Variants in CAMK1D observed in about 807,000 individuals in gnomAD.
CAMK1D encodes the protein calcium/calmodulin dependent protein kinase ID, also known as calcium/calmodulin-dependent protein kinase type 1D.
In CAMK1D, 9 loss-of-function variants were observed where a neutral mutation model predicts 47.7. The observed-to-expected ratio is 0.19, with a 90% CI of 0.11 to 0.33. The LOEUF is 0.33. Ranked by LOEUF, CAMK1D falls within the 10% of genes least tolerant of loss-of-function variation. The probability of loss-of-function intolerance (pLI) is 1.00; values close to 1 mark genes in which losing one functional copy is unlikely to be tolerated. For missense variants in CAMK1D, 291 were observed against 488.7 expected, an observed-to-expected ratio of 0.60 and a Z score of 3.81; for synonymous variants, 184 against 184.9, an observed-to-expected ratio of 0.99 and a Z score of 0.04.
At chr10:12,610,985 A>G (rs1838601493) in intron 2 of CAMK1D, among the ~76,000 whole-genome samples, 1 of 152,202 alleles carries the variant, frequency 6.6e-6, no homozygotes. Context: ...AGTATATACT[A>G]GGCACTCTTA....
chr10:12,810,799 G>A (rs767953725), intron 6 of CAMK1D, among the ~76,000 whole-genome samples: 10 of 152,208 alleles, frequency 6.6e-5, no homozygotes, highest in African/African-American at 1.2e-4. Flanking sequence ...CTAAAAATCC[G>A]ACAGAATAGG....
chr10:12,782,993 TTTG>T (rs754502879), intron 5 of CAMK1D, among the ~76,000 whole-genome samples: 69 of 91,400 alleles, frequency 7.5e-4, no homozygotes, highest in Admixed American at 4.3e-3. Context: ...TTTTTTTTTT[TTTG>T]TTTTTTTTTT....
chr10:12,462,167 T>G (rs998051557), intron 1 of CAMK1D, among the ~76,000 whole-genome samples: 85 of 144,296 alleles, frequency 5.9e-4, no homozygotes, highest in African/African-American at 1.9e-3. Context: ...TTTTTTTTTT[T>G]TTTTTTTTTT....
chr10:12,541,878 CCTTCCTT>C (rs1243915800), intron 1 of CAMK1D, among the ~76,000 whole-genome samples: 1 of 145,602 alleles, frequency 6.9e-6, no homozygotes, highest in East Asian at 2.0e-4. Flanking sequence ...TTCCTTCCTT[CCTTCCTT>C]CCTTTTTTTT....
At chr10:12,492,878 A>G (rs1834428058) in intron 1 of CAMK1D, among the ~76,000 whole-genome samples, 1 of 152,026 alleles carries the variant, frequency 6.6e-6, no homozygotes, top group Non-Finnish European at 1.5e-5. Flanking sequence ...GTCTGTCGTT[A>G]CTTTCTTGGT....
At chr10:12,597,085 T>C (rs532780673) in intron 2 of CAMK1D, among the ~76,000 whole-genome samples, 1 of 152,228 alleles carries the variant, frequency 6.6e-6, no homozygotes, top group South Asian at 2.1e-4. Flanking sequence ...AAATAAAAAA[T>C]ACACAGCTCC....
chr10:12,486,384 T>G (rs1244104186), intron 1 of CAMK1D, among the ~76,000 whole-genome samples: 2 of 152,208 alleles, frequency 1.3e-5, no homozygotes, highest in Non-Finnish European at 2.9e-5. Context: ...GGTCTTGATC[T>G]CCTGACCTCG....
chr10:12,534,361 C>T (rs1161917283), intron 1 of CAMK1D, among the ~76,000 whole-genome samples: 4 of 152,072 alleles, frequency 2.6e-5, no homozygotes, highest in Non-Finnish European at 5.9e-5. Context: ...AGGCACCCAC[C>T]ACCAGACCCA....
rs1245098644 is a variant in CAMK1D, at chr10:12,373,038, G to A, written c.92+23128G>A. Among the ~76,000 whole-genome samples, 4 of 152,328 alleles carry A rather than the reference G, an allele frequency of 2.6e-5. No individual in the cohort carries two copies. The East Asian group carries it at 7.7e-4, about 29-fold the overall frequency. The stretch of plus-strand genomic sequence containing the variant: ...GACCCACTTCCCGGGTGGCCACCAG[G>A]TATTCTTTTAACAGACGTTTGCAAA... On this transcript the variant is annotated intron_variant, in intron 1 of 10. Transcript: ENST00000619168.
intron 2 of CAMK1D, among the ~76,000 whole-genome samples, chr10:12,649,460 T>C (rs2132506415): frequency 6.6e-6 from 1 of 152,322 alleles, no homozygotes; most frequent in Middle Eastern, 3.4e-3. Context: ...ACCAAGTAGC[T>C]GGTGCCTTCT....
chr10:12,587,205 G>T (rs559697300), intron 2 of CAMK1D, among the ~76,000 whole-genome samples: 1 of 152,314 alleles, frequency 6.6e-6, no homozygotes, highest in Admixed American at 6.5e-5. Context: ...AAGAGAGGTT[G>T]TGATGGTAAA....
intron 3 of CAMK1D, among the ~76,000 whole-genome samples, chr10:12,682,803 T>C (rs1588782254): frequency 1.3e-5 from 2 of 150,518 alleles, no homozygotes; most frequent in South Asian, 2.2e-4. Flanking sequence ...CTAACTATTC[T>C]GCTTATGTTA....
At chr10:12,474,897 C>T (rs1009035787) in intron 1 of CAMK1D, among the ~76,000 whole-genome samples, 43 of 152,044 alleles carry the variant, frequency 2.8e-4, no homozygotes, top group African/African-American at 8.0e-4. Flanking sequence ...TAATGGCCTC[C>T]GGCTCCATCC....
At chr10:12,376,949 C>T (rs562353854) in intron 1 of CAMK1D, among the ~76,000 whole-genome samples, 25 of 152,010 alleles carry the variant, frequency 1.6e-4, no homozygotes, top group African/African-American at 3.1e-4. Flanking sequence ...TTAGTAGAGA[C>T]GGGGTTTCAC....
At chr10:12,605,702 G>A (rs538566375) in intron 2 of CAMK1D, among the ~76,000 whole-genome samples, 1 of 152,308 alleles carries the variant, frequency 6.6e-6, no homozygotes, top group African/African-American at 2.4e-5. Context: ...CGGTGCCACT[G>A]GCAGCCCCAG....
chr10:12,559,607 C>CGAACTCA (rs1426840666), intron 2 of CAMK1D, among the ~76,000 whole-genome samples: 1 of 152,100 alleles, frequency 6.6e-6, no homozygotes, highest in Non-Finnish European at 1.5e-5. Flanking sequence ...TTGAGAGGAG[C>CGAACTCA]GAACTCAGAT....
At chr10:12,547,937 C>G (rs1115520) in intron 1 of CAMK1D, among the ~76,000 whole-genome samples, 19,469 of 152,138 alleles carry the variant, frequency 0.13, 1,660 homozygotes, top group African/African-American at 0.23. Flanking sequence ...GATAAAGCAG[C>G]TGGATGTGCG....
chr10:12,525,961 C>T (rs143808153), intron 1 of CAMK1D, among the ~76,000 whole-genome samples: 2 of 152,240 alleles, frequency 1.3e-5, no homozygotes, highest in African/African-American at 4.8e-5. Context: ...ACCATGTTGG[C>T]CAAGCTGGTC....
In CAMK1D at chr10:12,577,029, G is replaced by A. The variant is rs151146480; in HGVS notation, c.224+23673G>A. On this transcript the variant is annotated intron_variant, in intron 2 of 10. Transcript: ENST00000619168. ...GGAACCAGTTCCAGAACACTTTCAC[G>A]TGCATCTTGGTTTCTAGCACGGACT... Among the ~76,000 whole-genome samples, 812 of 152,330 alleles carry A rather than the reference G, an allele frequency of 5.3e-3. 11 individuals are homozygous for A. Among genetic ancestry groups the A allele is most frequent in the African/African-American group, 0.018 (734 of 41,572 alleles).
Sources: allele counts gnomAD v4.1 joint callset (sites outside exome capture counted in the v4.1 genomes callset), GRCh38; gene constraint gnomAD v4.1.1; transcripts MANE v1.5; gene names NCBI Gene and HGNC (gene_info 2026-07-23, HGNC 2026-07-21).